Variants in PTPRO observed in about 807,000 individuals in gnomAD.
PTPRO encodes the protein receptor-type tyrosine-protein phosphatase O.
PTPRO carries 62 observed loss-of-function variants against 145.2 expected under a neutral mutation model. The observed-to-expected ratio is 0.43, with a 90% CI of 0.35 to 0.53. PTPRO has a LOEUF of 0.53. PTPRO is among the 20% of genes least tolerant of loss of function. PTPRO has a pLI of 0.01. For synonymous variants in PTPRO, 565 were observed against 514.7 expected (o/e 1.10, Z -1.32); for missense variants, 1,345 against 1,482.7 (o/e 0.91, Z 1.53).
At chr12:15,482,651 T>G (rs1941804150) in intron 1 of PTPRO, among the ~76,000 whole-genome samples, 1 of 152,158 alleles carries the variant, frequency 6.6e-6, no homozygotes, top group African/African-American at 2.4e-5. Flanking sequence ...GATGTAAAGT[T>G]GTTATGTGTC....
intron 1 of PTPRO, among the ~76,000 whole-genome samples, chr12:15,407,609 A>G (rs923033623): frequency 5.0e-5 from 6 of 120,274 alleles, no homozygotes; most frequent in Non-Finnish European, 8.5e-5. Flanking sequence ...CTTATGTACT[A>G]TATAACCCAC....
At position 15,427,429 on chromosome 12, in the gene PTPRO, T is replaced by C. The variant is rs191812504; in HGVS notation, c.76-56545T>C. Among the ~76,000 whole-genome samples, 1,045 of 152,070 alleles carry C rather than the reference T, an allele frequency of 6.9e-3. 3 individuals carry two copies. Among genetic ancestry groups the C allele is most frequent in the Middle Eastern group, 0.022 (6 of 270 alleles). On this transcript the variant is annotated intron_variant, in intron 1 of 26. Coordinates refer to ENST00000281171, the MANE Select transcript of PTPRO (RefSeq NM_030667.3). ...TGCTGATATATAGAAAAACTATTAA[T>C]GTTTGCATGTCTGTCTTGTATATAA... is the stretch of plus-strand genomic sequence containing the variant.
intron 1 of PTPRO, among the ~76,000 whole-genome samples, chr12:15,412,659 C>A (rs1028725454): frequency 3.9e-5 from 6 of 152,136 alleles, no homozygotes. Context: ...TTACATTCTG[C>A]AGAAAGATTT....
intron 1 of PTPRO, among the ~76,000 whole-genome samples, chr12:15,373,152 C>A (rs1180219068): frequency 6.6e-6 from 1 of 152,132 alleles, no homozygotes; most frequent in Non-Finnish European, 1.5e-5. Flanking sequence ...AGAGCCATAA[C>A]TAAAATGCTA....
At chr12:15,407,494 A>T (rs971816270) in intron 1 of PTPRO, among the ~76,000 whole-genome samples, 4 of 152,188 alleles carry the variant, frequency 2.6e-5, no homozygotes, top group African/African-American at 7.2e-5. Flanking sequence ...GAAACAGAAA[A>T]ATCAGAAGAT....
intron 1 of PTPRO, among the ~76,000 whole-genome samples, chr12:15,388,153 A>G (rs1939082102): frequency 6.6e-6 from 1 of 152,190 alleles, no homozygotes; most frequent in South Asian, 2.1e-4. Flanking sequence ...TTTTTTAACC[A>G]TAAAAAGCAA....
At chr12:15,472,123 C>T (rs1565649768) in intron 1 of PTPRO, among the ~76,000 whole-genome samples, 1 of 152,154 alleles carries the variant, frequency 6.6e-6, no homozygotes, top group Non-Finnish European at 1.5e-5. Context: ...CTGAGCACAG[C>T]AGAATTTTAA....
intron 1 of PTPRO, among the ~76,000 whole-genome samples, chr12:15,388,466 T>A (rs1939092247): frequency 1.3e-5 from 2 of 152,208 alleles, no homozygotes; most frequent in African/African-American, 4.8e-5. Flanking sequence ...AAGCCTTTGT[T>A]AATAGCTAGA....
intron 18 of PTPRO, among the ~76,000 whole-genome samples, chr12:15,566,783 A>G (rs1022485019): frequency 3.3e-5 from 5 of 152,148 alleles, no homozygotes; most frequent in African/African-American, 4.8e-5. Context: ...AGCCTCCCAA[A>G]GTGCTGGGAT....
At chr12:15,353,104 C>G (rs1279090722) in intron 1 of PTPRO, among the ~76,000 whole-genome samples, 1 of 152,058 alleles carries the variant, frequency 6.6e-6, no homozygotes, top group Non-Finnish European at 1.5e-5. Context: ...ACTGATTTTC[C>G]AGACATTCAC....
intron 1 of PTPRO, among the ~76,000 whole-genome samples, chr12:15,401,908 A>G (rs1273449631): frequency 6.6e-6 from 1 of 152,230 alleles, no homozygotes; most frequent in Non-Finnish European, 1.5e-5. Context: ...AATCCTAACT[A>G]TAGGTCATGC....
chr12:15,455,155 C>T (rs890163673), intron 1 of PTPRO, among the ~76,000 whole-genome samples: 2 of 152,096 alleles, frequency 1.3e-5, no homozygotes, highest in African/African-American at 4.8e-5. Context: ...ATTTGCACAT[C>T]CTGTTCTCTG....
intron 2 of PTPRO, among the ~76,000 whole-genome samples, chr12:15,493,593 A>G (rs982374302): frequency 1.3e-5 from 2 of 152,172 alleles, no homozygotes; most frequent in Admixed American, 1.3e-4. Flanking sequence ...AAACAAAGAG[A>G]TAACATTTCA....
intron 4 of PTPRO, among the ~76,000 whole-genome samples, chr12:15,501,252 T>C (rs1942215569): frequency 6.9e-6 from 1 of 145,980 alleles, no homozygotes; most frequent in South Asian, 2.3e-4. Flanking sequence ...TTTTGGTTTT[T>C]TTGTAATAAA....
intron 1 of PTPRO, among the ~76,000 whole-genome samples, chr12:15,403,842 T>G (rs990042925): frequency 1.3e-5 from 2 of 151,930 alleles, no homozygotes; most frequent in African/African-American, 4.8e-5. Flanking sequence ...CACACCAGAA[T>G]GTGAGTTTCA....
At position 15,503,896 on chromosome 12, in the gene PTPRO, T is replaced by G; in HGVS notation, c.1106-12T>G. On this transcript the variant is annotated splice_polypyrimidine_tract_variant and intron_variant, in intron 5 of 26. Coordinates refer to ENST00000281171, the MANE Select transcript of PTPRO (RefSeq NM_030667.3). ...CTATTCATGTATCTTCTCTTTTTTA[T>G]ATATGATTTAGAGAACTTTACTGAA... 2.6e-6 allele frequency: 4 copies of G among 1,554,424 alleles called. No homozygotes were observed. Among genetic ancestry groups the G allele is most frequent in the Non-Finnish European group, 8.9e-7 (1 of 1,127,164 alleles).
chr12:15,364,531 G>A (rs1238866903), intron 1 of PTPRO, among the ~76,000 whole-genome samples: 2 of 152,062 alleles, frequency 1.3e-5, no homozygotes, highest in Non-Finnish European at 2.9e-5. Context: ...CCTATATCAT[G>A]ACAGGTCAGA....
chr12:15,526,396 T>C, intron 12 of PTPRO, 134 bp downstream of exon 12: 1 of 1,207,168 alleles, frequency 8.3e-7, no homozygotes, highest in Non-Finnish European at 1.2e-6. Flanking sequence ...AATAGACATT[T>C]GTACTAGCAA....
intron 1 of PTPRO, among the ~76,000 whole-genome samples, chr12:15,362,713 T>C (rs1489601226): frequency 6.6e-6 from 1 of 152,090 alleles, no homozygotes; most frequent in Non-Finnish European, 1.5e-5. Flanking sequence ...AAAAAAGATC[T>C]AATCTCCAAG....
Sources: allele counts gnomAD v4.1 joint callset (sites outside exome capture counted in the v4.1 genomes callset), GRCh38; gene constraint gnomAD v4.1.1; transcripts MANE v1.5; gene names NCBI Gene and HGNC (gene_info 2026-07-23, HGNC 2026-07-21).